The following REDIC1 variants were observed in gnomAD, a reference collection of about 807,000 sequenced individuals.
REDIC1 encodes regulator of DNA class I crossover intermediates 1.
chr12:39,657,956 C>T, the REDIC1 span, among the ~76,000 whole-genome samples: 1 of 151,858 alleles, frequency 6.6e-6, no homozygotes, highest in Non-Finnish European at 1.5e-5. Context: ...GAGGTAAGGT[C>T]ATTGGTTTGA....
chr12:39,721,110 A>T, the REDIC1 span: 11 of 1,613,766 alleles, frequency 6.8e-6, no homozygotes, highest in South Asian at 1.2e-4. Flanking sequence ...TAATGGAGGA[A>T]AAATTAGATG....
the REDIC1 span, among the ~76,000 whole-genome samples, chr12:39,835,976 C>T: frequency 6.6e-6 from 1 of 152,088 alleles, no homozygotes; most frequent in Non-Finnish European, 1.5e-5. Flanking sequence ...ATTTGATTAA[C>T]ACCCAAAATG....
At chr12:39,764,349 T>C in the REDIC1 span, 7 of 1,032,782 alleles carry the variant, frequency 6.8e-6, no homozygotes, top group South Asian at 1.4e-4. Context: ...TGGAGATACT[T>C]ATAACAGCAA....
At chr12:39,797,281 T>TAATA in the REDIC1 span, among the ~76,000 whole-genome samples, 2 of 152,244 alleles carry the variant, frequency 1.3e-5, no homozygotes, top group African/African-American at 4.8e-5. Context: ...AATGTAATTA[T>TAATA]CTTTAAGTAC....
chr12:39,771,226 C>G, the REDIC1 span, among the ~76,000 whole-genome samples: 1 of 152,066 alleles, frequency 6.6e-6, no homozygotes, highest in Non-Finnish European at 1.5e-5. Context: ...GATTTTCATG[C>G]CTTGTGTAGT....
chr12:39,903,331 ATTTT>A, the REDIC1 span, among the ~76,000 whole-genome samples: 2 of 152,112 alleles, frequency 1.3e-5, no homozygotes. Flanking sequence ...TTCAGGAAGC[ATTTT>A]TCCAAAAGGT....
the REDIC1 span, chr12:39,643,996 T>C: frequency 8.5e-7 from 1 of 1,177,158 alleles, no homozygotes; most frequent in Non-Finnish European, 1.2e-6. Flanking sequence ...GTTTGTAATT[T>C]TTGAGCTCAA....
chr12:39,818,323 ATCGG>A, the REDIC1 span, among the ~76,000 whole-genome samples: 101,777 of 151,408 alleles, frequency 0.67, 34,799 homozygotes, highest in African/African-American at 0.79. Context: ...TTAAATACTG[ATCGG>A]TACCTTCTTA....
chr12:39,854,605 C>A, the REDIC1 span, among the ~76,000 whole-genome samples: 1 of 152,194 alleles, frequency 6.6e-6, no homozygotes, highest in Non-Finnish European at 1.5e-5. Flanking sequence ...CCAGACTCTT[C>A]TCCCTCCAAT....
chr12:39,632,035 A>G, the REDIC1 span, among the ~76,000 whole-genome samples: 4 of 121,076 alleles, frequency 3.3e-5, no homozygotes, highest in African/African-American at 1.1e-4. Flanking sequence ...ATATTTACAT[A>G]TATATGTGTA....
At chr12:39,700,442 G>C in the REDIC1 span, among the ~76,000 whole-genome samples, 1 of 152,192 alleles carries the variant, frequency 6.6e-6, no homozygotes, top group African/African-American at 2.4e-5. Context: ...TATGTGAAAA[G>C]ACCAAATCTA....
chr12:39,764,460 C>A, the REDIC1 span: 7 of 1,560,564 alleles, frequency 4.5e-6, no homozygotes, highest in Non-Finnish European at 6.0e-6. Flanking sequence ...ATTATCTTAC[C>A]ATAGTATGTA....
chr12:39,777,246 T>C, the REDIC1 span, among the ~76,000 whole-genome samples: 1 of 152,120 alleles, frequency 6.6e-6, no homozygotes, highest in Non-Finnish European at 1.5e-5. Flanking sequence ...CGGACTAAAC[T>C]GAGTAAAGGC....
the REDIC1 span, among the ~76,000 whole-genome samples, chr12:39,711,727 G>GTGTATA: frequency 4.9e-4 from 6 of 12,170 alleles, no homozygotes; most frequent in South Asian, 2.3e-3. Flanking sequence ...GTATGCACAT[G>GTGTATA]CATGTGTGTA....
chr12:39,656,217 TC>T, the REDIC1 span, among the ~76,000 whole-genome samples: 4 of 152,234 alleles, frequency 2.6e-5, no homozygotes, highest in African/African-American at 9.6e-5. Flanking sequence ...TGGGAAGTAT[TC>T]CATCATGTTT....
chr12:39,632,166 G>A, the REDIC1 span, among the ~76,000 whole-genome samples: 3 of 151,390 alleles, frequency 2.0e-5, no homozygotes, highest in East Asian at 1.9e-4. Flanking sequence ...GTGCCATCTC[G>A]GCTCACTGCA....
chr12:39,884,248 C>T, the REDIC1 span, among the ~76,000 whole-genome samples: 6 of 152,122 alleles, frequency 3.9e-5, no homozygotes, highest in Non-Finnish European at 8.8e-5. Context: ...AGATTACAGG[C>T]ATGAGCCACT....
the REDIC1 span, among the ~76,000 whole-genome samples, chr12:39,700,938 A>G: frequency 1.3e-5 from 2 of 151,794 alleles, no homozygotes; most frequent in Admixed American, 6.6e-5. Flanking sequence ...TGAAGGAAGC[A>G]CTAAACATGG....
At chr12:39,892,137 G>A in the REDIC1 span, among the ~76,000 whole-genome samples, 1 of 152,128 alleles carries the variant, frequency 6.6e-6, no homozygotes, top group African/African-American at 2.4e-5. Flanking sequence ...GCTCCACATA[G>A]CATGCTACTT....
Sources: gnomAD v4.1 joint callset for allele counts (sites outside exome capture counted in the v4.1 genomes callset) on GRCh38, gnomAD v4.1.1 for gene constraint, MANE v1.5 for transcripts, NCBI Gene and HGNC (gene_info 2026-07-23, HGNC 2026-07-21) for gene names.